The following FAM118B variants were observed in gnomAD, a reference collection of about 807,000 sequenced individuals.
FAM118B encodes SIR2 antiphage like 1, also known as protein FAM118B.
In FAM118B, 24 loss-of-function variants were observed where a neutral mutation model predicts 38.5. The ratio of observed to expected loss-of-function variants is 0.62; its 90% CI spans 0.45 to 0.88. The LOEUF (loss-of-function observed/expected upper bound fraction) is 0.88. Among genes scored for constraint, FAM118B ranks in the 40% least tolerant of loss-of-function variants. The pLI is 0.00. For missense variants in FAM118B, 334 were observed against 420.0 expected (o/e 0.80, Z 1.79); for synonymous variants, 138 against 156.3 (o/e 0.88, Z 0.87).
At chr11:126,234,111 A>G (rs555338710) in intron 2 of FAM118B, among the ~76,000 whole-genome samples, 3 of 152,340 alleles carry the variant, frequency 2.0e-5, no homozygotes, top group Admixed American at 2.0e-4. Flanking sequence ...GCTTTCTAAT[A>G]AAACAGTAAA....
chr11:126,226,546 G>A (rs1289161272), intron 1 of FAM118B, among the ~76,000 whole-genome samples: 5 of 152,316 alleles, frequency 3.3e-5, no homozygotes, highest in Non-Finnish European at 7.3e-5. Flanking sequence ...AATTTAACAG[G>A]CCTTTTCTCT....
chr11:126,246,527 A>G (rs917139238), intron 4 of FAM118B, among the ~76,000 whole-genome samples: 1 of 152,246 alleles, frequency 6.6e-6, no homozygotes, highest in Non-Finnish European at 1.5e-5. Context: ...GATAATGTGT[A>G]TAAAATGTCT....
intron 3 of FAM118B, among the ~76,000 whole-genome samples, chr11:126,236,700 C>G (rs1178699816): frequency 6.6e-6 from 1 of 151,002 alleles, no homozygotes; most frequent in African/African-American, 2.4e-5. Flanking sequence ...TTTTAAAACT[C>G]TTGTTATTCA....
Position 126,235,064 on chromosome 11 carries a change from C to T in FAM118B, c.63C>T (p.Gly21=), listed in dbSNP as rs772808617. The T allele has an allele frequency of 9.3e-6, 15 of 1,613,826 alleles. No individual in the cohort carries two copies. The highest frequency in any genetic ancestry group is 7.7e-5 in the South Asian group (7 of 91,064). The change falls in exon 3 of 9, where the codon GGC becomes GGT. Residue 21 remains glycine (G), a synonymous_variant. Coordinates refer to ENST00000533050, the MANE Select transcript of FAM118B (RefSeq NM_024556.4). Reference sequence around the variant, plus strand: ...AGATTTTTGGATTCTTCAACGATGGCGAACCTCCCACCAAAAAGCCCAGGT... The same window carrying T: ...AGATTTTTGGATTCTTCAACGATGGTGAACCTCCCACCAAAAAGCCCAGGT... The part of the protein sequence containing the change: ...IDEIFGFFND[G]EPPTKKPRKL...
intron 1 of FAM118B, among the ~76,000 whole-genome samples, chr11:126,219,696 A>G (rs143315643): frequency 1.2e-3 from 175 of 152,082 alleles, no homozygotes; most frequent in African/African-American, 3.8e-3. Context: ...ATTCCTCAGG[A>G]GTCTCGTCCA....
intron 1 of FAM118B, among the ~76,000 whole-genome samples, chr11:126,219,702 G>A (rs1950037774): frequency 6.6e-6 from 1 of 152,024 alleles, no homozygotes; most frequent in South Asian, 2.1e-4. Flanking sequence ...CAGGAGTCTC[G>A]TCCATGGGGC....
intron 3 of FAM118B, among the ~76,000 whole-genome samples, chr11:126,237,622 G>A (rs1192399380): frequency 7.1e-6 from 1 of 140,018 alleles, no homozygotes; most frequent in Non-Finnish European, 1.5e-5. Flanking sequence ...AGATCGTGAG[G>A]TCAGGAGATC....
chr11:126,219,946 G>C (rs1035518431), intron 1 of FAM118B, among the ~76,000 whole-genome samples: 1 of 151,846 alleles, frequency 6.6e-6, no homozygotes, highest in African/African-American at 2.4e-5. Context: ...TTTTTAAAGG[G>C]GGGGCTTATA....
At chr11:126,231,479 A>G (rs1012233255) in intron 2 of FAM118B, among the ~76,000 whole-genome samples, 8 of 152,192 alleles carry the variant, frequency 5.3e-5, no homozygotes, top group African/African-American at 1.2e-4. Context: ...CCACTGGGGT[A>G]TACATGTGAG....
At chr11:126,222,742 T>C (rs1950080809) in intron 1 of FAM118B, among the ~76,000 whole-genome samples, 1 of 152,192 alleles carries the variant, frequency 6.6e-6, no homozygotes. Flanking sequence ...CCCTTAGACT[T>C]TAATTAATGG....
chr11:126,251,336 C>G (rs764697527), intron 5 of FAM118B, among the ~76,000 whole-genome samples: 1 of 152,190 alleles, frequency 6.6e-6, no homozygotes, highest in Non-Finnish European at 1.5e-5. Flanking sequence ...CTTTGTTTTC[C>G]TCAGGAATCT....
intron 4 of FAM118B, among the ~76,000 whole-genome samples, chr11:126,249,927 T>C (rs1950474881): frequency 6.6e-6 from 1 of 151,972 alleles, no homozygotes; most frequent in South Asian, 2.1e-4. Flanking sequence ...TAAATTCATA[T>C]CCCTTGGCCA....
chr11:126,254,015 A>T lies in FAM118B; in HGVS notation c.568-290A>T, dbSNP rs1950540518. 3.3e-5 allele frequency among the ~76,000 whole-genome samples: 5 copies of T among 152,198 alleles called. No individual in the cohort carries two copies. In the South Asian group the frequency reaches 1.0e-3, roughly 31 times the overall value. ...ACTGAAGCAGTTGTCCATAGCTCTC[A>T]TGCATGCCACCAGTGCAAAGGGTCC... On this transcript the variant is annotated intron_variant, in intron 5 of 8. Transcript: ENST00000533050.
Position 126,262,112 on chromosome 11 carries a change from C to T in FAM118B, c.1043-8C>T. 1.2e-6 allele frequency: 2 copies of T among 1,614,084 alleles called. No individual in the cohort carries two copies. Among genetic ancestry groups the T allele is most frequent in the Non-Finnish European group, 8.5e-7 (1 of 1,179,970 alleles). The stretch of plus-strand genomic sequence containing the variant: ...CTTCATTTTGTTCTCTTTTCTTTCT[C>T]CCTACAGGCTGTAGTACATGAGCGA... On this transcript the variant is annotated splice_region_variant and splice_polypyrimidine_tract_variant and intron_variant, in intron 8 of 8. Transcript: ENST00000533050.
Position 126,219,137 on chromosome 11 carries a change from G to C in FAM118B, c.-77+7307G>C, listed in dbSNP as rs148770293. On this transcript the variant is annotated intron_variant, in intron 1 of 8. Coordinates refer to ENST00000533050, the MANE Select transcript of FAM118B (RefSeq NM_024556.4). ...TTATCTCCTGCACCTCACATTCTTG[G>C]TTTTATACCTTGAAAAAAGAAAAAC... Among the ~76,000 whole-genome samples the C allele has an allele frequency of 1.1e-3, 172 of 151,912 alleles. 2 individuals are homozygous for C. The highest frequency in any genetic ancestry group is 6.8e-3 in the Middle Eastern group (2 of 294).
intron 1 of FAM118B, among the ~76,000 whole-genome samples, chr11:126,220,675 G>C (rs188502494): frequency 1.3e-5 from 2 of 152,118 alleles, no homozygotes; most frequent in African/African-American, 4.8e-5. Flanking sequence ...TGATCTTGCC[G>C]TCCTGGGGAA....
intron 4 of FAM118B, among the ~76,000 whole-genome samples, chr11:126,245,708 A>C (rs902395215): frequency 1.2e-4 from 19 of 152,212 alleles, no homozygotes; most frequent in Admixed American, 3.3e-4. Flanking sequence ...AAAAGAAAAA[A>C]AAATGAGGCC....
chr11:126,239,036 A>T (rs1409610864), intron 3 of FAM118B, among the ~76,000 whole-genome samples: 1 of 150,904 alleles, frequency 6.6e-6, no homozygotes, highest in Non-Finnish European at 1.5e-5. Flanking sequence ...GCAGTGGCAC[A>T]AACACAGCTC....
At chr11:126,240,158 A>C (rs754642906) in intron 3 of FAM118B, among the ~76,000 whole-genome samples, 4 of 152,220 alleles carry the variant, frequency 2.6e-5, no homozygotes, top group African/African-American at 4.8e-5. Context: ...GTCTCTGCTT[A>C]TCATGGTAAG....
Sources: gnomAD v4.1 joint callset for allele counts (sites outside exome capture counted in the v4.1 genomes callset) on GRCh38, gnomAD v4.1.1 for gene constraint, MANE v1.5 for transcripts, NCBI Gene and HGNC (gene_info 2026-07-23, HGNC 2026-07-21) for gene names.